The following PIAS2 variants were observed in gnomAD, a reference collection of about 807,000 sequenced individuals.
PIAS2 encodes the protein E3 SUMO-protein ligase PIAS2.
In PIAS2, 19 loss-of-function variants were observed where a neutral mutation model predicts 69.7. The ratio of observed to expected loss-of-function variants is 0.27; its 90% CI spans 0.19 to 0.40. The LOEUF (loss-of-function observed/expected upper bound fraction) is 0.40, where lower values mean the gene tolerates loss of function less well. Among genes scored for constraint, PIAS2 ranks in the 10% least tolerant of loss-of-function variants. The pLI is 1.00. For missense variants in PIAS2, 624 were observed against 757.0 expected, an observed-to-expected ratio of 0.82 and a Z score of 2.06; for synonymous variants, 261 against 263.2, an observed-to-expected ratio of 0.99 and a Z score of 0.08.
At chr18:46,823,578 A>G (rs138904142) in intron 11 of PIAS2, among the ~76,000 whole-genome samples, 49 of 152,348 alleles carry the variant, frequency 3.2e-4, no homozygotes, top group Non-Finnish European at 6.0e-4. Context: ...GAAACTTTAA[A>G]TGAGTAAATA....
intron 2 of PIAS2, among the ~76,000 whole-genome samples, chr18:46,885,649 A>C (rs1230282040): frequency 6.6e-6 from 1 of 151,936 alleles, no homozygotes; most frequent in South Asian, 2.1e-4. Flanking sequence ...GCGCCACTGC[A>C]CTCCAGCCTG....
At chr18:46,900,727 G>GC (rs1463703270) in intron 1 of PIAS2, among the ~76,000 whole-genome samples, 5 of 151,378 alleles carry the variant, frequency 3.3e-5, no homozygotes, top group Non-Finnish European at 7.4e-5. Context: ...TGTAATCTCA[G>GC]CATTTTGGGA....
At position 46,891,015 on chromosome 18, in the gene PIAS2, A is replaced by C; in HGVS notation, c.64T>G (p.Leu22Val). The C allele has an allele frequency of 6.2e-7, 1 of 1,609,448 alleles. No individual in the cohort carries two copies. Among genetic ancestry groups the C allele is most frequent in the Non-Finnish European group, 8.5e-7 (1 of 1,177,496 alleles). ...SSFRVSELQV[L>V]LGFAGRNKSG... ...TTATTCCGTCCAGCAAAGCCTAGTA[A>C]TACTTGTAGTTCAGAAACCCTAAAA... Residue 22 changes from leucine (L) to valine (V), a missense_variant, in exon 2 of 14, where the codon TTA becomes GTA. Leu to Val is a conservative substitution (Grantham distance 32). Transcript: ENST00000585916.
intron 1 of PIAS2, chr18:46,916,856 G>A (rs2057991555): frequency 1.0e-6 from 1 of 985,472 alleles, no homozygotes; most frequent in Non-Finnish European, 1.2e-6. Context: ...TCAGCCATAA[G>A]AAGAGGAGAG....
At chr18:46,882,935 T>G (rs971847647) in intron 2 of PIAS2, among the ~76,000 whole-genome samples, 1 of 151,062 alleles carries the variant, frequency 6.6e-6, no homozygotes, top group African/African-American at 2.4e-5. Context: ...CTACTAAAAA[T>G]ACAAAAATTA....
At chr18:46,872,384 G>A (rs970334003) in intron 2 of PIAS2, among the ~76,000 whole-genome samples, 6 of 152,298 alleles carry the variant, frequency 3.9e-5, no homozygotes, top group South Asian at 2.1e-4. Context: ...CATTCTGAGC[G>A]AAAGCAACAA....
intron 5 of PIAS2, chr18:46,853,205 G>C (rs1012626664): frequency 7.2e-6 from 1 of 138,300 alleles, no homozygotes; most frequent in African/African-American, 2.7e-5. Context: ...TGAGCCTCTA[G>C]GAGGCTAAGA....
intron 3 of PIAS2, among the ~76,000 whole-genome samples, chr18:46,862,229 G>A (rs992250567): frequency 6.6e-6 from 1 of 152,108 alleles, no homozygotes; most frequent in Non-Finnish European, 1.5e-5. Context: ...TACTCAAGAG[G>A]CTGAGGCAGG....
intron 3 of PIAS2, 115 bp downstream of exon 3, chr18:46,864,049 T>C: frequency 1.7e-6 from 1 of 574,324 alleles, no homozygotes. Context: ...CTCCAGCATT[T>C]TGAAAAACAA....
rs869149927 is a variant in PIAS2, at chr18:46,807,383, A to ATATATAT, written c.*5049_*5050insATATATA. 5 of 11,602 alleles carry ATATATAT rather than the reference A, an allele frequency of 4.3e-4. No homozygotes were observed. Among genetic ancestry groups the ATATATAT allele is most frequent in the Non-Finnish European group, 6.7e-4 (5 of 7,456 alleles). 0.7% of individuals were successfully genotyped at this position (11,602 alleles called of 1,614,324 possible). On this transcript the variant is annotated 3_prime_UTR_variant, in exon 14 of 14. Transcript: ENST00000585916. ...TATATATATATATATATATATATAT[A>ATATATAT]TTTTTTTTTTTTTTTTTTTTTTTTT...
intron 2 of PIAS2, among the ~76,000 whole-genome samples, chr18:46,884,689 G>A (rs563320478): frequency 6.6e-6 from 1 of 152,194 alleles, no homozygotes; most frequent in Admixed American, 6.5e-5. Context: ...GCCAAGGCAG[G>A]CAGATCACTT....
At chr18:46,850,266 A>G (rs970606903) in intron 5 of PIAS2, among the ~76,000 whole-genome samples, 3 of 152,134 alleles carry the variant, frequency 2.0e-5, no homozygotes, top group African/African-American at 7.2e-5. Context: ...GTAGTTTAGT[A>G]TAGATGTCCT....
intron 11 of PIAS2, among the ~76,000 whole-genome samples, chr18:46,826,184 T>C (rs1179842193): frequency 6.6e-6 from 1 of 152,246 alleles, no homozygotes; most frequent in Admixed American, 6.5e-5. Flanking sequence ...TAGTTTTTGT[T>C]TTCTTTTCAG....
upstream of PIAS2, among the ~76,000 whole-genome samples, chr18:46,919,049 A>G (rs949460344): frequency 1.3e-5 from 2 of 151,200 alleles, no homozygotes; most frequent in Non-Finnish European, 2.9e-5. Context: ...TATATACACA[A>G]CACACACACA....
Position 46,832,416 on chromosome 18 carries a change from A to AAAAC in PIAS2, c.1203-2553_1203-2550dup, listed in dbSNP as rs555137415. Among the ~76,000 whole-genome samples, 687 of 150,644 alleles carry AAAAC rather than the reference A, an allele frequency of 4.6e-3. 5 individuals are homozygous for AAAAC. Among genetic ancestry groups the AAAAC allele is most frequent in the African/African-American group, 0.016 (656 of 40,970 alleles). On this transcript the variant is annotated intron_variant, in intron 9 of 13. Transcript: ENST00000585916. ...GGGCGACAGAGCGAAACTCCATCTC[A>AAAAC]AAACAAACAAACAAACAAACAAACA...
chr18:46,851,270 C>T (rs2046930349), intron 5 of PIAS2, among the ~76,000 whole-genome samples: 1 of 152,150 alleles, frequency 6.6e-6, no homozygotes, highest in Non-Finnish European at 1.5e-5. Flanking sequence ...AGATTGCTGC[C>T]AGCTGAATTA....
chr18:46,870,699 A>G (rs1401861184), intron 2 of PIAS2, among the ~76,000 whole-genome samples: 2 of 151,232 alleles, frequency 1.3e-5, no homozygotes, highest in African/African-American at 4.9e-5. Flanking sequence ...AAATTGATCA[A>G]TTCTTAGGGC....
intron 13 of PIAS2, among the ~76,000 whole-genome samples, chr18:46,813,813 A>G (rs1246422724): frequency 8.5e-5 from 13 of 152,210 alleles, no homozygotes; most frequent in Admixed American, 8.5e-4. Context: ...TGGTTCATCA[A>G]TAAAATGAAT....
At chr18:46,815,496 A>G in intron 12 of PIAS2, 147 bp from the exon 13 acceptor site, 1 of 1,442,984 alleles carries the variant, frequency 6.9e-7, no homozygotes, top group Non-Finnish European at 9.1e-7. Context: ...ATGATCAGTG[A>G]TATTTGAAGT....
Sources: allele counts gnomAD v4.1 joint callset (sites outside exome capture counted in the v4.1 genomes callset), GRCh38; gene constraint gnomAD v4.1.1; transcripts MANE v1.5; gene names NCBI Gene and HGNC (gene_info 2026-07-23, HGNC 2026-07-21).